Variants in FXR1 observed in about 807,000 individuals in gnomAD.
FXR1 encodes FMR1 autosomal homolog 1.
A neutral mutation model predicts 84.0 loss-of-function variants in FXR1; 15 were observed. The observed-to-expected ratio is 0.18, with a 90% confidence interval of 0.12 to 0.27. The LOEUF (loss-of-function observed/expected upper bound fraction) is 0.27, where lower values mean the gene tolerates loss of function less well. Among genes scored for constraint, FXR1 ranks in the 10% least tolerant of loss-of-function variants. FXR1 has a pLI of 1.00. For synonymous variants in FXR1, 245 were observed against 250.7 expected (o/e 0.98, Z 0.21); for missense variants, 480 against 774.4 (o/e 0.62, Z 4.51).
chr3:180,966,631 A>G (rs1178060300), intron 13 of FXR1, among the ~76,000 whole-genome samples: 1 of 152,246 alleles, frequency 6.6e-6, no homozygotes, highest in Admixed American at 6.5e-5. Context: ...ATTTGAGGAC[A>G]TATAAGATGG....
At chr3:180,965,849 T>A (rs1712758396) in intron 13 of FXR1, among the ~76,000 whole-genome samples, 1 of 152,174 alleles carries the variant, frequency 6.6e-6, no homozygotes. Flanking sequence ...AATCTATGAT[T>A]TAGACATTCC....
chr3:180,931,026 CAAAA>C lies in FXR1; in HGVS notation c.52-2290_52-2287del, dbSNP rs57731098. Among the ~76,000 whole-genome samples the C allele has an allele frequency of 3.3e-3, 181 of 55,622 alleles. 1 individual carries two copies. The highest frequency in any genetic ancestry group is 0.017 in the Middle Eastern group (1 of 60). The allele number at this position is 55,622 out of a possible 152,430, so 36.5% of individuals were successfully genotyped here. ...CCTGGGCAACAGAGCGAGACTGCCT[CAAAA>C]AAAAAAAAAAAAAAAAAGACGTGAA... On this transcript the variant is annotated intron_variant, in intron 1 of 16. Coordinates refer to ENST00000357559, the MANE Select transcript of FXR1 (RefSeq NM_005087.4).
intron 9 of FXR1, among the ~76,000 whole-genome samples, chr3:180,956,539 A>G (rs975190803): frequency 9.9e-5 from 15 of 152,146 alleles, no homozygotes; most frequent in Admixed American, 2.0e-4. Flanking sequence ...TGTCAACCTA[A>G]TCTTTGTTTT....
intron 14 of FXR1, 102 bp downstream of exon 14, chr3:180,968,356 T>C: frequency 1.4e-6 from 1 of 737,542 alleles, no homozygotes; most frequent in South Asian, 1.7e-5. Flanking sequence ...GAAGTTTCTC[T>C]TGCTACTCAT....
chr3:180,924,276 A>G (rs928902205), intron 1 of FXR1, among the ~76,000 whole-genome samples: 14 of 152,230 alleles, frequency 9.2e-5, no homozygotes, highest in Middle Eastern at 3.4e-3. Flanking sequence ...TATCTGAACT[A>G]TAAAGCACAG....
intron 3 of FXR1, among the ~76,000 whole-genome samples, chr3:180,943,862 C>T (rs559027272): frequency 3.9e-5 from 6 of 152,074 alleles, no homozygotes; most frequent in Middle Eastern, 3.4e-3. Context: ...AAGAGATATT[C>T]GAACTGCCTC....
In FXR1 at chr3:180,912,744, C is replaced by T. The variant is rs193051197; in HGVS notation, c.51+8C>T. The T allele has an allele frequency of 1.1e-4, 181 of 1,614,076 alleles. 1 individual carries two copies. The East Asian group carries it at 3.9e-3, about 34-fold the overall frequency. On this transcript the variant is annotated splice_region_variant and intron_variant, in intron 1 of 16. Transcript: ENST00000357559. ...AACGGGGCTTTCTACAAGGTACTGA[C>T]CGTTTTGCCACTTTGTCGAGTGTTC...
intron 1 of FXR1, among the ~76,000 whole-genome samples, chr3:180,930,019 A>G (rs1025748569): frequency 6.6e-6 from 1 of 152,086 alleles, no homozygotes; most frequent in African/African-American, 2.4e-5. Flanking sequence ...TAATCCCAGC[A>G]CTTTGGGAAG....
intron 1 of FXR1, among the ~76,000 whole-genome samples, chr3:180,930,593 T>C (rs890150772): frequency 6.6e-6 from 1 of 152,194 alleles, no homozygotes; most frequent in African/African-American, 2.4e-5. Context: ...GTTGAAAATA[T>C]GGCTGTCTTC....
rs545578682 is a variant in FXR1, at chr3:180,927,131, A to G, written c.52-6203A>G. ...AATATCTTTTTATGATAGGTGCCTTATTTCCTCTGATTAACATTACTACCA... is the reference window on the plus strand; with the variant it reads ...AATATCTTTTTATGATAGGTGCCTTGTTTCCTCTGATTAACATTACTACCA... On this transcript the variant is annotated intron_variant, in intron 1 of 16. Coordinates refer to ENST00000357559, the MANE Select transcript of FXR1 (RefSeq NM_005087.4). 2.0e-5 allele frequency among the ~76,000 whole-genome samples: 3 copies of G among 152,192 alleles called. No homozygotes were observed. In the East Asian group the frequency reaches 5.8e-4, roughly 29 times the overall value.
chr3:180,949,033 A>T (rs1721959505), intron 6 of FXR1, among the ~76,000 whole-genome samples, 194 bp from the exon 7 acceptor site: 1 of 152,242 alleles, frequency 6.6e-6, no homozygotes, highest in Admixed American at 6.5e-5. Flanking sequence ...CCCCAATCAA[A>T]CATATTCTGA....
At chr3:180,935,425 A>G (rs548973708) in intron 3 of FXR1, among the ~76,000 whole-genome samples, 194 bp downstream of exon 3, 1 of 152,256 alleles carries the variant, frequency 6.6e-6, no homozygotes, top group South Asian at 2.1e-4. Flanking sequence ...TCCCATTTTT[A>G]GCTTTGTAGA....
chr3:180,913,772 T>C (rs1475627510), intron 1 of FXR1, among the ~76,000 whole-genome samples: 1 of 152,226 alleles, frequency 6.6e-6, no homozygotes, highest in Non-Finnish European at 1.5e-5. Context: ...CTGTTGTCTG[T>C]CAGTCAATCT....
intron 3 of FXR1, among the ~76,000 whole-genome samples, chr3:180,947,635 A>G (rs1721836690): frequency 6.6e-6 from 1 of 152,214 alleles, no homozygotes; most frequent in African/African-American, 2.4e-5. Flanking sequence ...AAACCTCATG[A>G]ATATGGAATT....
chr3:180,942,586 T>G (rs1195463013), intron 3 of FXR1, among the ~76,000 whole-genome samples: 1 of 152,104 alleles, frequency 6.6e-6, no homozygotes, highest in African/African-American at 2.4e-5. Context: ...ATTTGATTCT[T>G]CCTATTTATT....
At chr3:180,914,800 C>T in intron 1 of FXR1, 1 of 983,726 alleles carries the variant, frequency 1.0e-6, no homozygotes, top group Non-Finnish European at 1.2e-6. Context: ...GGTACTTTGA[C>T]AAAGGTTGGA....
At chr3:180,952,132 A>T (rs1722285891) in intron 8 of FXR1, among the ~76,000 whole-genome samples, 1 of 152,166 alleles carries the variant, frequency 6.6e-6, no homozygotes, top group Non-Finnish European at 1.5e-5. Context: ...CTGGATTTTT[A>T]TTTTTTAAAG....
At position 180,976,240 on chromosome 3, in the gene FXR1, C is replaced by A. The variant is rs146350316; in HGVS notation, c.1814C>A (p.Thr605Asn). The change falls in exon 17 of 17, where the codon ACC becomes AAC. Residue 605 changes from threonine to asparagine, a missense_variant. Around this residue, in one of 6 missense-constraint regions of FXR1, gnomAD observed 94 missense variants for 81.8 expected, o/e 1.15. Coordinates refer to ENST00000357559, the MANE Select transcript of FXR1 (RefSeq NM_005087.4). The part of the protein sequence containing the change: ...QRTPGEEKIN[T>N]LKEENTQEAA... ...ACTCCAGGAGAAGAAAAGATTAATACCTTAAAAGAAGAAAACACTCAAGAA... is the reference window on the plus strand; with the variant it reads ...ACTCCAGGAGAAGAAAAGATTAATAACTTAAAAGAAGAAAACACTCAAGAA... The A allele has an allele frequency of 3.1e-6, 5 of 1,611,746 alleles. No individual in the cohort carries two copies. In the African/African-American group the frequency reaches 5.3e-5, roughly 17 times the overall value.
chr3:180,960,280 G>C (rs1711931744), intron 10 of FXR1, among the ~76,000 whole-genome samples: 1 of 152,094 alleles, frequency 6.6e-6, no homozygotes, highest in East Asian at 1.9e-4. Context: ...TTTATGCTCT[G>C]GAGGTGATAT....
Sources: allele counts gnomAD v4.1 joint callset (sites outside exome capture counted in the v4.1 genomes callset), GRCh38; gene constraint gnomAD v4.1.1; regional missense constraint gnomAD v4.1.1; transcripts MANE v1.5; gene names NCBI Gene and HGNC (gene_info 2026-07-23, HGNC 2026-07-21).